DSCAML1: variants seen among roughly 807,000 people sequenced by gnomAD.
The protein encoded by DSCAML1 is DS cell adhesion molecule like 1.
In DSCAML1, 38 loss-of-function variants were observed where a neutral mutation model predicts 200.5. The ratio of observed to expected loss-of-function variants is 0.19; its 90% confidence interval spans 0.15 to 0.25. The LOEUF is 0.25. Ranked by LOEUF, DSCAML1 falls within the 10% of genes least tolerant of loss-of-function variation. The probability of loss-of-function intolerance (pLI) is 1.00; values close to 1 mark genes in which losing one functional copy is unlikely to be tolerated. For missense variants in DSCAML1, 2,223 were observed against 2,858.8 expected (o/e 0.78, Z 5.07); for synonymous variants, 1,215 against 1,165.0 (o/e 1.04, Z -0.87).
chr11:117,563,681 G>C (rs142758931), intron 3 of DSCAML1, among the ~76,000 whole-genome samples: 10 of 152,224 alleles, frequency 6.6e-5, no homozygotes, highest in Non-Finnish European at 1.3e-4. Flanking sequence ...GTAAGTGGTG[G>C]GGAGAAGACG....
At chr11:117,513,248 G>A (rs2049681223) in intron 8 of DSCAML1, among the ~76,000 whole-genome samples, 1 of 152,170 alleles carries the variant, frequency 6.6e-6, no homozygotes, top group Non-Finnish European at 1.5e-5. Context: ...GGGCGGGGAT[G>A]TGGGCTGGGG....
intron 3 of DSCAML1, among the ~76,000 whole-genome samples, chr11:117,602,412 G>A (rs2051482963): frequency 3.9e-5 from 6 of 152,160 alleles, no homozygotes; most frequent in South Asian, 4.1e-4. Context: ...CCACGCTGCA[G>A]TGCAAAGGTG....
At chr11:117,506,098 A>G (rs1295235406) in intron 8 of DSCAML1, among the ~76,000 whole-genome samples, 1 of 152,098 alleles carries the variant, frequency 6.6e-6, no homozygotes, top group African/African-American at 2.4e-5. Flanking sequence ...GATGCAGCTC[A>G]CAGCTCTCTG....
At chr11:117,488,969 C>T (rs2049135607) in intron 11 of DSCAML1, among the ~76,000 whole-genome samples, 1 of 152,266 alleles carries the variant, frequency 6.6e-6, no homozygotes, top group African/African-American at 2.4e-5. Context: ...AAAGCAGGCC[C>T]TGAGCTGGAT....
chr11:117,483,709 C>T (rs2048976930), intron 11 of DSCAML1, among the ~76,000 whole-genome samples: 1 of 152,240 alleles, frequency 6.6e-6, no homozygotes. Flanking sequence ...CCAAGGCAGA[C>T]ATAGGCGGGG....
At chr11:117,718,702 A>G (rs2053999053) in intron 3 of DSCAML1, among the ~76,000 whole-genome samples, 1 of 128,276 alleles carries the variant, frequency 7.8e-6, no homozygotes, top group African/African-American at 2.9e-5. Flanking sequence ...AGACCTTTAA[A>G]AAATCCTCTC....
chr11:117,473,462 A>G (rs549812351), intron 14 of DSCAML1, among the ~76,000 whole-genome samples: 71 of 152,260 alleles, frequency 4.7e-4, no homozygotes, highest in African/African-American at 1.6e-3. Flanking sequence ...ATGCCACTGC[A>G]CTCCAGCCTG....
chr11:117,780,255 A>AG lies in DSCAML1; in HGVS notation c.364+237dup, dbSNP rs757752371. The stretch of plus-strand genomic sequence containing the variant: ...AGGAAAGAAAGAAAGAAAGAAAGAA[A>AG]GAAAGAAAGAAAGAAAGAAAGAAAG... On this transcript the variant is annotated intron_variant, in intron 2 of 32. Transcript: ENST00000651296. This position sits in a 1 kb window ranked among gnomAD's most constrained non-coding sequence, Gnocchi z 4.8. Among the ~76,000 whole-genome samples, 1 of 75,240 alleles carries AG rather than the reference A, an allele frequency of 1.3e-5. No homozygotes were observed. The highest frequency in any genetic ancestry group is 3.1e-5 in the Non-Finnish European group (1 of 32,074). 49.4% of individuals were successfully genotyped at this position (75,240 alleles called of 152,430 possible). A position where few individuals can be genotyped will look rare whatever the true frequency, so the allele number is the denominator to read the frequency against.
chr11:117,736,221 G>A (rs1053961655), intron 3 of DSCAML1, among the ~76,000 whole-genome samples: 88 of 152,182 alleles, frequency 5.8e-4, no homozygotes, highest in East Asian at 1.9e-4. Flanking sequence ...CAGTCACCAC[G>A]AGGCTTGGCT....
intron 3 of DSCAML1, among the ~76,000 whole-genome samples, chr11:117,762,616 A>G (rs1188567299): frequency 6.6e-6 from 1 of 152,168 alleles, no homozygotes; most frequent in African/African-American, 2.4e-5. Flanking sequence ...TAATCCCAGC[A>G]CTTTGGGAGG....
At chr11:117,465,353 C>T (rs1358365731) in intron 16 of DSCAML1, among the ~76,000 whole-genome samples, 171 bp from the exon 17 acceptor site, 5 of 152,170 alleles carry the variant, frequency 3.3e-5, no homozygotes, top group Admixed American at 6.5e-5. Flanking sequence ...CTGTGTGACC[C>T]GACCTCCCAT....
At chr11:117,685,143 C>T (rs2053383164) in intron 3 of DSCAML1, among the ~76,000 whole-genome samples, 3 of 152,212 alleles carry the variant, frequency 2.0e-5, no homozygotes. Context: ...CATTCACTGG[C>T]ATTGGATCAC....
chr11:117,604,935 G>C (rs1219020597), intron 3 of DSCAML1, among the ~76,000 whole-genome samples: 1 of 152,192 alleles, frequency 6.6e-6, no homozygotes, highest in Admixed American at 6.5e-5. Context: ...TGGCACACAG[G>C]CTGTCTGTTG....
At chr11:117,762,900 A>AATAATAATAATAATAATAATAATT (rs1434310169) in intron 3 of DSCAML1, among the ~76,000 whole-genome samples, 1 of 149,598 alleles carries the variant, frequency 6.7e-6, no homozygotes, top group South Asian at 2.1e-4. Flanking sequence ...TAATAATAAT[A>AATAATAATAATAATAATAATAATT]ATTTAATATA....
At chr11:117,499,685 A>G (rs1408324386) in intron 11 of DSCAML1, among the ~76,000 whole-genome samples, 3 of 152,234 alleles carry the variant, frequency 2.0e-5, no homozygotes, top group Non-Finnish European at 4.4e-5. Flanking sequence ...AATGCTGTAC[A>G]TGCAGGCGGC....
At chr11:117,684,751 A>C (rs1485402426) in intron 3 of DSCAML1, among the ~76,000 whole-genome samples, 1 of 152,260 alleles carries the variant, frequency 6.6e-6, no homozygotes, top group Non-Finnish European at 1.5e-5. Context: ...TGTGCTTGAG[A>C]ACAAATAGAA....
chr11:117,592,922 A>T (rs1332023646), intron 3 of DSCAML1, among the ~76,000 whole-genome samples: 2 of 152,356 alleles, frequency 1.3e-5, no homozygotes, highest in East Asian at 3.9e-4. Context: ...ACGGGGTGTG[A>T]ACCCCAACAC....
intron 3 of DSCAML1, among the ~76,000 whole-genome samples, chr11:117,578,422 C>T (rs2050987932): frequency 6.6e-6 from 1 of 151,996 alleles, no homozygotes; most frequent in Non-Finnish European, 1.5e-5. Context: ...TGTAATTCTA[C>T]CACTTTGGGG....
chr11:117,459,140 C>T (rs575921567), intron 18 of DSCAML1, among the ~76,000 whole-genome samples: 2 of 152,360 alleles, frequency 1.3e-5, no homozygotes, highest in South Asian at 2.1e-4. Flanking sequence ...CAGATGCTGG[C>T]CTGGGCCCGG....
Sources: gnomAD v4.1 joint callset for allele counts (sites outside exome capture counted in the v4.1 genomes callset) on GRCh38, gnomAD v4.1.1 for gene constraint, Gnocchi (gnomAD v3.1) non-coding constraint, MANE v1.5 for transcripts, NCBI Gene and HGNC (gene_info 2026-07-23, HGNC 2026-07-21) for gene names.